Variants in KCNQ5 observed in about 807,000 individuals in gnomAD.
KCNQ5 encodes the protein potassium voltage-gated channel subfamily KQT member 5.
Under a neutral mutation model 98.2 loss-of-function variants are expected in KCNQ5, and 30 were observed. The ratio of observed to expected loss-of-function variants is 0.31; its 90% CI spans 0.23 to 0.41. The LOEUF (loss-of-function observed/expected upper bound fraction) is 0.41, where lower values mean the gene tolerates loss of function less well. Ranked by LOEUF, KCNQ5 falls within the 10% of genes least tolerant of loss-of-function variation. The pLI, the probability that KCNQ5 is intolerant of heterozygous loss-of-function variation, is 1.00. For missense variants in KCNQ5, 835 were observed against 1,182.5 expected, an observed-to-expected ratio of 0.71 and a Z score of 4.31; for synonymous variants, 458 against 449.4, an observed-to-expected ratio of 1.02 and a Z score of -0.24.
intron 1 of KCNQ5, among the ~76,000 whole-genome samples, chr6:72,970,249 AC>A (rs932977744): frequency 1.3e-5 from 2 of 152,260 alleles, no homozygotes; most frequent in East Asian, 3.9e-4. Context: ...ACAGAGCAAG[AC>A]CCCATCTCTA....
At chr6:73,129,779 TC>T in intron 9 of KCNQ5, 1 of 1,609,350 alleles carries the variant, frequency 6.2e-7, no homozygotes, top group Non-Finnish European at 8.5e-7. Flanking sequence ...CTGCTCTATT[TC>T]CCTCACTCCT....
chr6:72,673,883 T>C (rs191537282), intron 1 of KCNQ5, among the ~76,000 whole-genome samples: 84 of 152,294 alleles, frequency 5.5e-4, no homozygotes, highest in African/African-American at 1.9e-3. Flanking sequence ...GACAAAGCCG[T>C]TTTATTCAGA....
chr6:73,112,547 G>T (rs151231345), intron 7 of KCNQ5, among the ~76,000 whole-genome samples: 2 of 152,076 alleles, frequency 1.3e-5, no homozygotes, highest in African/African-American at 4.8e-5. Context: ...GGGTTTCACC[G>T]TGTTAGCCAG....
At chr6:73,016,196 T>C (rs76052655) in intron 2 of KCNQ5, among the ~76,000 whole-genome samples, 4,372 of 151,954 alleles carry the variant, frequency 0.029, 209 homozygotes, top group African/African-American at 0.097. Context: ...TCCACTGAAA[T>C]GGGTGGCAGA....
chr6:72,767,634 C>G (rs1772645751), intron 1 of KCNQ5, among the ~76,000 whole-genome samples: 2 of 151,908 alleles, frequency 1.3e-5, no homozygotes, highest in Non-Finnish European at 2.9e-5. Context: ...AGTCTTACAA[C>G]TCAATAGTAT....
intron 2 of KCNQ5, among the ~76,000 whole-genome samples, chr6:73,038,022 T>G (rs1427624992): frequency 6.6e-6 from 1 of 152,132 alleles, no homozygotes; most frequent in African/African-American, 2.4e-5. Context: ...GTATTTCTCC[T>G]CACTTATTTA....
chr6:72,647,382 A>G (rs925743999), intron 1 of KCNQ5, among the ~76,000 whole-genome samples: 1 of 152,070 alleles, frequency 6.6e-6, no homozygotes, highest in Non-Finnish European at 1.5e-5. Context: ...GGAAGAAGAA[A>G]CCATGCATTA....
intron 1 of KCNQ5, among the ~76,000 whole-genome samples, chr6:72,791,071 G>A (rs1774012090): frequency 1.3e-5 from 2 of 152,212 alleles, no homozygotes; most frequent in South Asian, 4.1e-4. Flanking sequence ...TAAACAGGAT[G>A]TGGTCTTGGA....
intron 1 of KCNQ5, among the ~76,000 whole-genome samples, chr6:72,834,639 A>G (rs553999033): frequency 3.3e-4 from 50 of 152,254 alleles, no homozygotes; most frequent in African/African-American, 1.2e-3. Context: ...GCTCAAGGAA[A>G]CTTTAGGATT....
chr6:72,688,888 T>C lies in KCNQ5; in HGVS notation c.398+66301T>C, dbSNP rs144718437. Among the ~76,000 whole-genome samples, 71 of 152,340 alleles carry C rather than the reference T, an allele frequency of 4.7e-4. 1 individual carries two copies. The highest frequency in any genetic ancestry group is 1.7e-3 in the African/African-American group (69 of 41,584). Reference sequence around the variant, plus strand: ...TCATTGTAACTGAATTGCCCAAAAATATAAGCTTGGTAAAAGCTTATTACC... The same window carrying C: ...TCATTGTAACTGAATTGCCCAAAAACATAAGCTTGGTAAAAGCTTATTACC... On this transcript the variant is annotated intron_variant, in intron 1 of 13. Coordinates refer to ENST00000370398, the MANE Select transcript of KCNQ5 (RefSeq NM_019842.4).
At chr6:72,683,616 C>A (rs11759943) in intron 1 of KCNQ5, among the ~76,000 whole-genome samples, 1 of 151,924 alleles carries the variant, frequency 6.6e-6, no homozygotes, top group Non-Finnish European at 1.5e-5. Context: ...ATCCACCTGC[C>A]TCGGCCTCCC....
intron 1 of KCNQ5, among the ~76,000 whole-genome samples, chr6:72,907,955 C>G (rs944871130): frequency 6.6e-6 from 1 of 152,028 alleles, no homozygotes; most frequent in Admixed American, 6.5e-5. Flanking sequence ...CACTATCATG[C>G]TGTGACATCA....
chr6:72,803,663 G>A (rs969182909), intron 1 of KCNQ5, among the ~76,000 whole-genome samples: 1 of 152,104 alleles, frequency 6.6e-6, no homozygotes, highest in African/African-American at 2.4e-5. Flanking sequence ...CTCCTAATAT[G>A]TTCACAAATC....
chr6:72,857,482 A>G (rs917039199), intron 1 of KCNQ5, among the ~76,000 whole-genome samples: 3 of 152,214 alleles, frequency 2.0e-5, no homozygotes, highest in African/African-American at 7.2e-5. Context: ...TATATTTTAC[A>G]GGAAGGGCAG....
intron 8 of KCNQ5, among the ~76,000 whole-genome samples, chr6:73,122,997 C>G (rs1775806306): frequency 6.6e-6 from 1 of 152,050 alleles, no homozygotes; most frequent in Non-Finnish European, 1.5e-5. Flanking sequence ...TTTCCTTTAG[C>G]ATTCAGCCTA....
chr6:72,923,949 A>G (rs531941929), intron 1 of KCNQ5, among the ~76,000 whole-genome samples: 1 of 152,328 alleles, frequency 6.6e-6, no homozygotes, highest in South Asian at 2.1e-4. Context: ...TTTTAACACA[A>G]TGGTTTCCTT....
At chr6:72,933,003 T>C (rs903708035) in intron 1 of KCNQ5, among the ~76,000 whole-genome samples, 1 of 152,228 alleles carries the variant, frequency 6.6e-6, no homozygotes, top group South Asian at 2.1e-4. Flanking sequence ...ATGATTTTTA[T>C]AAAACATTAA....
intron 1 of KCNQ5, among the ~76,000 whole-genome samples, chr6:72,929,481 A>G (rs917369826): frequency 6.6e-6 from 1 of 152,088 alleles, no homozygotes; most frequent in Non-Finnish European, 1.5e-5. Flanking sequence ...TTAATTAAGA[A>G]CCTTGTCTTT....
chr6:73,166,859 G>A (rs2882407), intron 10 of KCNQ5, among the ~76,000 whole-genome samples: 2,719 of 152,304 alleles, frequency 0.018, 76 homozygotes, highest in African/African-American at 0.062. Flanking sequence ...GTGTCCCTAT[G>A]TCTTTGCCTT....
Sources: gnomAD v4.1 joint callset for allele counts (sites outside exome capture counted in the v4.1 genomes callset) on GRCh38, gnomAD v4.1.1 for gene constraint, MANE v1.5 for transcripts, NCBI Gene and HGNC (gene_info 2026-07-23, HGNC 2026-07-21) for gene names.